The following CKAP4 variants were observed in gnomAD, a reference collection of about 807,000 sequenced individuals.
CKAP4 encodes cytoskeleton-associated protein 4.
Under a neutral mutation model 24.4 loss-of-function variants are expected in CKAP4, and 20 were observed. That is an observed-to-expected ratio of 0.82 (90% CI 0.58 to 1.19). The LOEUF (loss-of-function observed/expected upper bound fraction) is 1.19. Among genes scored for constraint, CKAP4 ranks in the 50% most tolerant of loss-of-function variants. The pLI is 0.00. For synonymous variants in CKAP4, 378 were observed against 351.7 expected, an observed-to-expected ratio of 1.07 and a Z score of -0.84; for missense variants, 744 against 765.3, an observed-to-expected ratio of 0.97 and a Z score of 0.33.
At chr12:106,242,107 G>A (rs553368536) in intron 1 of CKAP4, among the ~76,000 whole-genome samples, 9 of 152,342 alleles carry the variant, frequency 5.9e-5, no homozygotes, top group African/African-American at 1.9e-4. Context: ...TTCCAGCAGT[G>A]TGATCTTGGG....
intron 1 of CKAP4, among the ~76,000 whole-genome samples, chr12:106,243,451 C>A (rs1189060386): frequency 1.3e-5 from 2 of 152,194 alleles, no homozygotes; most frequent in African/African-American, 4.8e-5. Context: ...GCCAGAGAAT[C>A]TAGACAAGAA....
chr12:106,239,585 C>A lies in CKAP4; in HGVS notation c.1248G>T (p.Val416=). 1 of 1,614,096 alleles carries A rather than the reference C, an allele frequency of 6.2e-7. No individual in the cohort carries two copies. Among genetic ancestry groups the A allele is most frequent in the South Asian group, 1.1e-5 (1 of 91,070 alleles). The change falls in exon 2 of 2, where the codon GTG becomes GTT. Residue 416 remains valine (V), a synonymous_variant. Coordinates refer to ENST00000378026, the MANE Select transcript of CKAP4 (RefSeq NM_006825.4). This position sits in a 1 kb window ranked among gnomAD's most constrained non-coding sequence, Gnocchi z 4.9. ...CCTGCATGGAGAGCACCCCATCCTC[C>A]ACGTGCTGGAGCCTGGAGTCCAGTC... ...SQGLDSRLQH[V]EDGVLSMQVA... is the part of the protein sequence containing the mutation.
rs574274118 is a variant in CKAP4 at position 106,239,048 on chromosome 12, C to G, written c.1785G>C (p.Val595=). 6.8e-6 allele frequency: 11 copies of G among 1,613,620 alleles called. No homozygotes were observed. The South Asian group carries it at 1.1e-4, about 16-fold the overall frequency. ...RNDLDRLFVK[V]EKIHEKV ...TTTAGACCTTTTCGTGAATCTTCTC[C>G]ACTTTCACAAACAACCTATCCAGAT... Residue 595 remains valine, a synonymous_variant, in exon 2 of 2, where the codon GTG becomes GTC. Transcript: ENST00000378026. This position sits in a 1 kb window ranked among gnomAD's most constrained non-coding sequence, Gnocchi z 4.9.
chr12:106,247,300 C>G lies in CKAP4; in HGVS notation c.483+69G>C. 1 of 1,393,936 alleles carries G rather than the reference C, an allele frequency of 7.2e-7. No individual in the cohort carries two copies. Among genetic ancestry groups the G allele is most frequent in the Non-Finnish European group, 9.6e-7 (1 of 1,046,050 alleles). The allele number at this position is 1,393,936 out of a possible 1,614,324, so 86.3% of individuals were successfully genotyped here. On this transcript the variant is annotated intron_variant, in intron 1 of 1. Coordinates refer to ENST00000378026, the MANE Select transcript of CKAP4 (RefSeq NM_006825.4). The surrounding 1 kb of genome is among the most constrained non-coding windows in gnomAD (Gnocchi z 4.5). ...AGCGCTAGGGGCCGGTCGGGAAGCA[C>G]GAAGGAGCCCGGCCGTGGGTCCGGA... is the stretch of plus-strand genomic sequence containing the variant.
chr12:106,242,509 G>A (rs1009912733), intron 1 of CKAP4, among the ~76,000 whole-genome samples: 30 of 152,164 alleles, frequency 2.0e-4, no homozygotes, highest in African/African-American at 6.8e-4. Context: ...GGTCTCTAAA[G>A]TGCTGTCTAG....
chr12:106,247,588 G>C lies in CKAP4; in HGVS notation c.264C>G (p.Ala88=). Residue 88 remains alanine, a synonymous_variant, in exon 1 of 2, where the codon GCC becomes GCG. Coordinates refer to ENST00000378026, the MANE Select transcript of CKAP4 (RefSeq NM_006825.4). This position sits in a 1 kb window ranked among gnomAD's most constrained non-coding sequence, Gnocchi z 4.5. ...KSSSSSSASA[A]AAAAAASSSA... ...AGGACGAGGCGGCGGCGGCGGCAGC[G>C]GCGGCGGAGGCGGAGGAGGAGGAGG... The C allele has an allele frequency of 7.1e-7, 1 of 1,406,228 alleles. No individual in the cohort carries two copies. Among genetic ancestry groups the C allele is most frequent in the Non-Finnish European group, 9.2e-7 (1 of 1,081,442 alleles). 87.1% of individuals were successfully genotyped at this position (1,406,228 alleles called of 1,614,324 possible).
intron 1 of CKAP4, among the ~76,000 whole-genome samples, chr12:106,244,624 A>C (rs1014872187): frequency 2.4e-4 from 37 of 152,118 alleles, no homozygotes; most frequent in Non-Finnish European, 4.0e-4. Context: ...TCTACCAAAA[A>C]TTTTAAAAAT....
rs372004368 is a variant in CKAP4 at position 106,239,584 on chromosome 12, C to G, written c.1249G>C (p.Glu417Gln). The change falls in exon 2 of 2, where the codon GAG (glutamate) becomes CAG (glutamine). Residue 417 changes from glutamate (E) to glutamine (Q), a missense_variant. Glu to Gln is a conservative substitution (Grantham distance 29). Transcript: ENST00000378026. This position sits in a 1 kb window ranked among gnomAD's most constrained non-coding sequence, Gnocchi z 4.9. ...ACCTGCATGGAGAGCACCCCATCCT[C>G]CACGTGCTGGAGCCTGGAGTCCAGT... is the stretch of plus-strand genomic sequence containing the variant. ...QGLDSRLQHV[E>Q]DGVLSMQVAS... 3.7e-6 allele frequency: 6 copies of G among 1,613,978 alleles called. No individual in the cohort carries two copies. The highest frequency in any genetic ancestry group is 5.1e-6 in the Non-Finnish European group (6 of 1,180,036).
intron 1 of CKAP4, among the ~76,000 whole-genome samples, chr12:106,245,244 C>A (rs1256115842): frequency 6.6e-6 from 1 of 152,186 alleles, no homozygotes; most frequent in African/African-American, 2.4e-5. Context: ...AAATTCCACA[C>A]CCTCCCTCTT....
intron 1 of CKAP4, among the ~76,000 whole-genome samples, chr12:106,244,609 C>T (rs887492447): frequency 6.6e-6 from 1 of 152,160 alleles, no homozygotes; most frequent in Non-Finnish European, 1.5e-5. Context: ...CAGCAAGACC[C>T]TGTCTCTACC....
chr12:106,243,410 G>A (rs1463684573), intron 1 of CKAP4, among the ~76,000 whole-genome samples: 1 of 152,180 alleles, frequency 6.6e-6, no homozygotes, highest in Non-Finnish European at 1.5e-5. Context: ...CTGGAAGAGA[G>A]ACTGCCAACT....
At chr12:106,242,526 C>A (rs1430658553) in intron 1 of CKAP4, among the ~76,000 whole-genome samples, 1 of 152,232 alleles carries the variant, frequency 6.6e-6, no homozygotes, top group Non-Finnish European at 1.5e-5. Context: ...CTAGCTCCAT[C>A]AGTCTGTTTT....
intron 1 of CKAP4, among the ~76,000 whole-genome samples, chr12:106,246,263 T>C (rs138812462): frequency 6.8e-4 from 103 of 152,302 alleles, no homozygotes; most frequent in African/African-American, 1.9e-3. Flanking sequence ...TGTCAACTCA[T>C]TCCTCTGTCT....
In CKAP4 at chr12:106,239,620, T is replaced by G. The variant is rs374888192; in HGVS notation, c.1213A>C (p.Lys405Gln). 1 of 1,614,030 alleles carries G rather than the reference T, an allele frequency of 6.2e-7. No homozygotes were observed. The highest frequency in any genetic ancestry group is 8.5e-7 in the Non-Finnish European group (1 of 1,180,018). Residue 405 changes from lysine to glutamine, a missense_variant, in exon 2 of 2, where the codon AAG becomes CAG. Physicochemically the swap from Lys to Gln is moderately conservative, Grantham distance 53. This residue lies in a region of CKAP4 where 401 missense variants were observed against 424.5 expected (regional missense o/e 0.94). Transcript: ENST00000378026. This position sits in a 1 kb window ranked among gnomAD's most constrained non-coding sequence, Gnocchi z 4.9. ...HSEAFEALQQ[K>Q]SQGLDSRLQH... ...AGCCTGGAGTCCAGTCCCTGACTCT[T>G]TTGCTGGAGTGCCTCAAAGGCTTCC...
chr12:106,239,873 G>A lies in CKAP4; in HGVS notation c.960C>T (p.Asp320=), dbSNP rs142777548. ...LRSTLQTMES[D]IYTEVRELVS... is the part of the protein sequence containing the mutation. ...CCAGCTCGCGGACCTCGGTGTAGAT[G>A]TCAGACTCCATAGTCTGAAGGGTAC... Residue 320 remains aspartate (D), a synonymous_variant, in exon 2 of 2, where the codon GAC becomes GAT. Coordinates refer to ENST00000378026, the MANE Select transcript of CKAP4 (RefSeq NM_006825.4). The surrounding 1 kb of genome is among the most constrained non-coding windows in gnomAD (Gnocchi z 4.9). 3.2e-4 allele frequency: 514 copies of A among 1,611,278 alleles called. 2 individuals are homozygous for A. The highest frequency in any genetic ancestry group is 4.0e-4 in the Non-Finnish European group (469 of 1,178,948).
rs2033992170 is a variant in CKAP4, at chr12:106,244,555, G to A, written c.483+2814C>T. On this transcript the variant is annotated intron_variant, in intron 1 of 1. Coordinates refer to ENST00000378026, the MANE Select transcript of CKAP4 (RefSeq NM_006825.4). ...CCAGCACTTTGAGAGGCCAAGGCAGGAGGACTGCTTGAGCCCAGGAGTTTG... is the reference window on the plus strand; with the variant it reads ...CCAGCACTTTGAGAGGCCAAGGCAGAAGGACTGCTTGAGCCCAGGAGTTTG... Among the ~76,000 whole-genome samples, 2 of 152,240 alleles carry A rather than the reference G, an allele frequency of 1.3e-5. 1 individual carries two copies. The highest frequency in any genetic ancestry group is 4.1e-4 in the South Asian group (2 of 4,836).
At chr12:106,244,501 G>T (rs1233279621) in intron 1 of CKAP4, among the ~76,000 whole-genome samples, 2 of 152,234 alleles carry the variant, frequency 1.3e-5, no homozygotes, top group African/African-American at 4.8e-5. Flanking sequence ...AAAGTGGTCA[G>T]CCAGGCGCAG....
chr12:106,245,150 C>T (rs769310622), intron 1 of CKAP4, among the ~76,000 whole-genome samples: 11 of 152,036 alleles, frequency 7.2e-5, no homozygotes, highest in Non-Finnish European at 1.2e-4. Flanking sequence ...GCCCCTGCCA[C>T]GGTGTTCATC....
chr12:106,239,606 C>T lies in CKAP4; in HGVS notation c.1227G>A (p.Leu409=), dbSNP rs749143979. Residue 409 remains leucine, a synonymous_variant, in exon 2 of 2, where the codon CTG becomes CTA. Transcript: ENST00000378026. This position sits in a 1 kb window ranked among gnomAD's most constrained non-coding sequence, Gnocchi z 4.9. ...FEALQQKSQG[L]DSRLQHVEDG... ...CCTCCACGTGCTGGAGCCTGGAGTC[C>T]AGTCCCTGACTCTTTTGCTGGAGTG... 6.2e-7 allele frequency: 1 copy of T among 1,614,184 alleles called. No individual in the cohort carries two copies. The highest frequency in any genetic ancestry group is 8.5e-7 in the Non-Finnish European group (1 of 1,180,040).
Sources: allele counts gnomAD v4.1 joint callset (sites outside exome capture counted in the v4.1 genomes callset), GRCh38; gene constraint gnomAD v4.1.1; regional missense constraint gnomAD v4.1.1; non-coding constraint Gnocchi (gnomAD v3.1); transcripts MANE v1.5; gene names NCBI Gene and HGNC (gene_info 2026-07-23, HGNC 2026-07-21).